The following CEP128 variants were observed in gnomAD, a reference collection of about 807,000 sequenced individuals.
CEP128 encodes the protein centrosomal protein 128.
Under a neutral mutation model 156.7 loss-of-function variants are expected in CEP128, and 132 were observed. That is an observed-to-expected ratio of 0.84 (90% confidence interval 0.73 to 0.97). The LOEUF is 0.97. Among genes scored for constraint, CEP128 ranks in the 50% least tolerant of loss-of-function variants. The probability of loss-of-function intolerance (pLI) is 0.00; values close to 1 mark genes in which losing one functional copy is unlikely to be tolerated. For missense variants in CEP128, 1,252 were observed against 1,281.9 expected (o/e 0.98, Z 0.36); for synonymous variants, 469 against 448.9 (o/e 1.04, Z -0.57).
chr14:80,491,927 T>C (rs1887338379), downstream of CEP128, among the ~76,000 whole-genome samples: 1 of 152,196 alleles, frequency 6.6e-6, no homozygotes, highest in Non-Finnish European at 1.5e-5. Context: ...TGTGTTCATA[T>C]CATTTTACAG....
chr14:80,531,939 T>C (rs1013794202), intron 21 of CEP128, among the ~76,000 whole-genome samples: 3 of 152,096 alleles, frequency 2.0e-5, no homozygotes, highest in African/African-American at 4.8e-5. Context: ...AGGACCCTGA[T>C]GGCCACATGC....
At chr14:80,914,293 A>T in intron 4 of CEP128, 29 bp downstream of exon 4, 2 of 1,557,046 alleles carry the variant, frequency 1.3e-6, no homozygotes, top group Non-Finnish European at 1.8e-6. Flanking sequence ...GGTGGGTAGG[A>T]GAAAATGCAA....
chr14:80,840,562 T>A lies in CEP128; in HGVS notation c.849+120A>T, dbSNP rs546797000. 6.5e-6 allele frequency: 4 copies of A among 610,852 alleles called. No individual in the cohort carries two copies. The African/African-American group carries it at 7.5e-5, about 11-fold the overall frequency. 37.8% of individuals were successfully genotyped at this position (610,852 alleles called of 1,614,324 possible). A position where few individuals can be genotyped will look rare whatever the true frequency, so the allele number is the denominator to read the frequency against. ...AGCCGTTGAACCAATTGACTCCACA[T>A]AGAAAGATAAAGAACTCACAATGTT... is the stretch of plus-strand genomic sequence containing the variant. On this transcript the variant is annotated intron_variant, in intron 10 of 24. Coordinates refer to ENST00000555265, the MANE Select transcript of CEP128 (RefSeq NM_152446.5).
intron 13 of CEP128, among the ~76,000 whole-genome samples, chr14:80,802,768 C>T (rs1474667603): frequency 1.3e-5 from 2 of 152,052 alleles, no homozygotes; most frequent in Non-Finnish European, 1.5e-5. Flanking sequence ...AGGAGAATAA[C>T]ATGATTAGGT....
At position 80,647,037 on chromosome 14, in the gene CEP128, GTA is replaced by G. The variant is rs60895994; in HGVS notation, c.2807-66616_2807-66615del. ...TGTGTGTGTATATATATGTGTGCAT[GTA>G]TATATATATATATATATATATATAT... On this transcript the variant is annotated intron_variant, in intron 19 of 24. Coordinates refer to ENST00000555265, the MANE Select transcript of CEP128 (RefSeq NM_152446.5). Among the ~76,000 whole-genome samples, 112 of 69,542 alleles carry G rather than the reference GTA, an allele frequency of 1.6e-3. 1 individual carries two copies. The highest frequency in any genetic ancestry group is 2.9e-3 in the South Asian group (5 of 1,720). 45.6% of individuals were successfully genotyped at this position (69,542 alleles called of 152,430 possible). A position where few individuals can be genotyped will look rare whatever the true frequency, so the allele number is the denominator to read the frequency against.
At chr14:80,701,262 A>C (rs1401910301) in intron 19 of CEP128, among the ~76,000 whole-genome samples, 2 of 152,112 alleles carry the variant, frequency 1.3e-5, no homozygotes, top group African/African-American at 4.8e-5. Flanking sequence ...CTGAGAGTGT[A>C]GCTGGGGCAC....
intron 19 of CEP128, among the ~76,000 whole-genome samples, chr14:80,615,891 A>G (rs961142424): frequency 2.4e-5 from 3 of 123,984 alleles, no homozygotes; most frequent in African/African-American, 8.5e-5. Context: ...AAATAAATAA[A>G]TAAGTGACAG....
intron 19 of CEP128, among the ~76,000 whole-genome samples, chr14:80,678,709 C>G (rs1896191245): frequency 6.6e-6 from 1 of 152,132 alleles, no homozygotes; most frequent in South Asian, 2.1e-4. Context: ...TTGTTTCTCC[C>G]AAGCCCTGGA....
chr14:80,876,513 C>A (rs568193883), intron 8 of CEP128, among the ~76,000 whole-genome samples: 1 of 151,164 alleles, frequency 6.6e-6, no homozygotes, highest in South Asian at 2.1e-4. Context: ...AAGAGAATCG[C>A]GTGAAACTGG....
chr14:80,648,625 TAGA>T (rs1459844556), intron 19 of CEP128, among the ~76,000 whole-genome samples: 1 of 152,154 alleles, frequency 6.6e-6, no homozygotes. Flanking sequence ...AGGAAGTCTG[TAGA>T]AGAATACCTA....
chr14:80,656,134 G>A (rs1209413837), intron 19 of CEP128, among the ~76,000 whole-genome samples: 3 of 151,012 alleles, frequency 2.0e-5, no homozygotes, highest in Non-Finnish European at 3.0e-5. Context: ...AACAACAGAG[G>A]AAAAACTGTA....
intron 9 of CEP128, among the ~76,000 whole-genome samples, chr14:80,843,075 T>G (rs1035488945): frequency 1.3e-5 from 2 of 151,474 alleles, no homozygotes; most frequent in African/African-American, 4.8e-5. Context: ...TTTCAGAGAG[T>G]AGTAAAAAGG....
At chr14:80,937,318 CTCAA>C (rs1465136413) in intron 2 of CEP128, among the ~76,000 whole-genome samples, 2 of 152,152 alleles carry the variant, frequency 1.3e-5, no homozygotes, top group Non-Finnish European at 2.9e-5. Context: ...GAGACCCTGT[CTCAA>C]TCAATCTGTA....
intron 19 of CEP128, among the ~76,000 whole-genome samples, chr14:80,675,844 A>C (rs1896038821): frequency 6.6e-6 from 1 of 152,012 alleles, no homozygotes. Flanking sequence ...TTCCCCCCTC[A>C]ATGTTCAATG....
intron 8 of CEP128, chr14:80,894,763 G>T: frequency 3.3e-6 from 1 of 307,160 alleles, no homozygotes; most frequent in Non-Finnish European, 6.3e-6. Flanking sequence ...TTCACTACAA[G>T]AGAAATTTTC....
intron 13 of CEP128, among the ~76,000 whole-genome samples, chr14:80,805,175 T>C (rs1372764505): frequency 1.3e-5 from 2 of 151,928 alleles, no homozygotes; most frequent in African/African-American, 4.8e-5. Flanking sequence ...ATCTAGGAGA[T>C]TTAACCTAGA....
intron 19 of CEP128, among the ~76,000 whole-genome samples, chr14:80,610,445 CTA>C (rs1315684148): frequency 6.6e-6 from 1 of 152,034 alleles, no homozygotes; most frequent in Non-Finnish European, 1.5e-5. Context: ...ATACTAAAAA[CTA>C]TAATTCATGG....
At chr14:80,952,941 C>G (rs1187087690) in intron 2 of CEP128, among the ~76,000 whole-genome samples, 2 of 152,152 alleles carry the variant, frequency 1.3e-5, no homozygotes, top group Non-Finnish European at 2.9e-5. Context: ...GCCCAGGCTA[C>G]CTCAAGAAGA....
intron 19 of CEP128, among the ~76,000 whole-genome samples, chr14:80,683,250 C>T (rs1896393514): frequency 6.6e-6 from 1 of 152,078 alleles, no homozygotes; most frequent in Non-Finnish European, 1.5e-5. Context: ...CACCCCTGAG[C>T]ACAAAATAAA....
Sources: gnomAD v4.1 joint callset for allele counts (sites outside exome capture counted in the v4.1 genomes callset) on GRCh38, gnomAD v4.1.1 for gene constraint, MANE v1.5 for transcripts, NCBI Gene and HGNC (gene_info 2026-07-23, HGNC 2026-07-21) for gene names.